Variants in MCTP2 observed in about 807,000 individuals in gnomAD.
MCTP2 encodes the protein multiple C2 and transmembrane domain-containing protein 2.
MCTP2 carries 132 observed loss-of-function variants against 111.6 expected under a neutral mutation model. The observed-to-expected ratio is 1.18, with a 90% CI of 1.03 to 1.37. The LOEUF (loss-of-function observed/expected upper bound fraction) is 1.37. Among genes scored for constraint, MCTP2 ranks in the 40% most tolerant of loss-of-function variants. The pLI is 0.00. For synonymous variants in MCTP2, 395 were observed against 387.7 expected (o/e 1.02, Z -0.22); for missense variants, 1,183 against 1,067.9 (o/e 1.11, Z -1.50).
intron 19 of MCTP2, among the ~76,000 whole-genome samples, chr15:94,456,812 A>G: frequency 6.6e-6 from 1 of 152,224 alleles, no homozygotes; most frequent in East Asian, 2.0e-4. Context: ...GCAATGAGGC[A>G]TTCTAGCCTC....
chr15:94,262,306 T>G (rs555072431), intron 1 of MCTP2, among the ~76,000 whole-genome samples: 1 of 152,308 alleles, frequency 6.6e-6, no homozygotes, highest in African/African-American at 2.4e-5. Flanking sequence ...AGATTGTAGT[T>G]TTAATTTCTG....
chr15:94,300,509 C>CAAAA (rs34484349), intron 2 of MCTP2, among the ~76,000 whole-genome samples: 7 of 126,364 alleles, frequency 5.5e-5, no homozygotes, highest in African/African-American at 2.1e-4. Flanking sequence ...GACTCTGTCT[C>CAAAA]AAAAAAAAAA....
At chr15:94,242,956 TAC>T (rs1567248417) in intron 1 of MCTP2, among the ~76,000 whole-genome samples, 1 of 128,940 alleles carries the variant, frequency 7.8e-6, no homozygotes, top group African/African-American at 3.0e-5. Flanking sequence ...GATACACATA[TAC>T]ACGTGTATAT....
chr15:94,466,663 C>G (rs1344099393), intron 20 of MCTP2, among the ~76,000 whole-genome samples: 1 of 152,092 alleles, frequency 6.6e-6, no homozygotes, highest in Non-Finnish European at 1.5e-5. Context: ...TCGTACCATG[C>G]AGACAACAGA....
chr15:94,358,861 C>T (rs1004020847), intron 10 of MCTP2, among the ~76,000 whole-genome samples: 1 of 152,190 alleles, frequency 6.6e-6, no homozygotes, highest in African/African-American at 2.4e-5. Context: ...TAAAGTTAAG[C>T]TGCCATCTCA....
intron 20 of MCTP2, among the ~76,000 whole-genome samples, chr15:94,460,627 T>C (rs1412069688): frequency 2.6e-5 from 4 of 152,298 alleles, no homozygotes; most frequent in African/African-American, 4.8e-5. Context: ...GTGCCGTTGA[T>C]AATGTAAAAG....
chr15:94,242,950 CACATATACACGTGTATATGTGTATCT>C lies in MCTP2; in HGVS notation c.-66+11290_-66+11315del, dbSNP rs1567248329. Reference sequence around the variant, plus strand: ...ACATATACACGTGTATATGTAGATACACATATACACGTGTATATGTGTATCTACACATACACGTGTATATGTGTATC... The same window carrying C: ...ACATATACACGTGTATATGTAGATACACACATACACGTGTATATGTGTATC... On this transcript the variant is annotated intron_variant, in intron 1 of 22. Coordinates refer to ENST00000357742, the MANE Select transcript of MCTP2 (RefSeq NM_001385001.1). Among the ~76,000 whole-genome samples the C allele has an allele frequency of 4.9e-5, 4 of 82,212 alleles. 1 individual carries two copies. The highest frequency in any genetic ancestry group is 8.5e-5 in the Non-Finnish European group (3 of 35,260). The allele number at this position is 82,212 out of a possible 152,430, so 53.9% of individuals were successfully genotyped here.
chr15:94,421,143 A>G (rs965103616), intron 17 of MCTP2, among the ~76,000 whole-genome samples: 2 of 148,470 alleles, frequency 1.3e-5, no homozygotes, highest in Non-Finnish European at 3.0e-5. Flanking sequence ...AAGTGTATTT[A>G]CTTCACCTTT....
chr15:94,439,907 C>G (rs1330469219), intron 17 of MCTP2, among the ~76,000 whole-genome samples: 1 of 152,146 alleles, frequency 6.6e-6, no homozygotes, highest in Non-Finnish European at 1.5e-5. Context: ...ATACTACTTT[C>G]CATAAATTCT....
At chr15:94,249,018 G>A (rs1195532902) in intron 1 of MCTP2, among the ~76,000 whole-genome samples, 2 of 152,170 alleles carry the variant, frequency 1.3e-5, no homozygotes, top group Non-Finnish European at 2.9e-5. Flanking sequence ...CTATTGAAGC[G>A]CTTGTGTTGT....
chr15:94,350,321 C>A (rs548721606), intron 8 of MCTP2, among the ~76,000 whole-genome samples: 1 of 152,298 alleles, frequency 6.6e-6, no homozygotes, highest in Non-Finnish European at 1.5e-5. Context: ...GGCACGGTGG[C>A]TCATGCCTGT....
chr15:94,430,393 TCACACACACACACACACACACACACA>T (rs35129445), intron 17 of MCTP2, among the ~76,000 whole-genome samples: 5 of 107,182 alleles, frequency 4.7e-5, no homozygotes, highest in African/African-American at 1.1e-4. Flanking sequence ...CCAAAAACAA[TCACACACACACACACACACACACACA>T]CACACACACA....
intron 20 of MCTP2, among the ~76,000 whole-genome samples, chr15:94,459,012 A>G (rs373974395): frequency 1.7e-5 from 2 of 118,256 alleles, no homozygotes; most frequent in African/African-American, 6.6e-5. Context: ...CAGTTAAGAA[A>G]GACTGTAGAT....
intron 17 of MCTP2, among the ~76,000 whole-genome samples, chr15:94,422,400 T>G (rs547307300): frequency 6.6e-6 from 1 of 152,292 alleles, no homozygotes; most frequent in South Asian, 2.1e-4. Flanking sequence ...TCTACACAGT[T>G]AGTCAAACTT....
intron 17 of MCTP2, among the ~76,000 whole-genome samples, chr15:94,407,259 T>C (rs1248310501): frequency 6.6e-6 from 1 of 152,226 alleles, no homozygotes; most frequent in African/African-American, 2.4e-5. Flanking sequence ...CAGAAGGTGA[T>C]TTTAAACAGC....
chr15:94,337,688 C>T (rs907176495), intron 4 of MCTP2, among the ~76,000 whole-genome samples: 10 of 151,052 alleles, frequency 6.6e-5, no homozygotes, highest in African/African-American at 1.5e-4. Context: ...TGTGTGTGCG[C>T]GCGCATGCAC....
chr15:94,411,295 T>C (rs2082140432), intron 17 of MCTP2, among the ~76,000 whole-genome samples: 1 of 152,134 alleles, frequency 6.6e-6, no homozygotes, highest in African/African-American at 2.4e-5. Context: ...TTTTTTTTTT[T>C]TTTTCTTTTT....
rs1239461376 is a variant in MCTP2 at position 94,400,000 on chromosome 15, G to A, written c.1965+5G>A. ...AGCCGCAAGCTGTCCAAAAAGGTGG[G>A]TCGCTACAGTAGGTGGCTTGTTGAT... On this transcript the variant is annotated splice_donor_5th_base_variant and intron_variant, in intron 16 of 22. Coordinates refer to ENST00000357742, the MANE Select transcript of MCTP2 (RefSeq NM_001385001.1). 35 of 1,613,734 alleles carry A rather than the reference G, an allele frequency of 2.2e-5. No individual in the cohort carries two copies. Among genetic ancestry groups the A allele is most frequent in the Non-Finnish European group, 2.8e-5 (33 of 1,179,774 alleles).
At chr15:94,400,713 T>G (rs2081539421) in intron 16 of MCTP2, among the ~76,000 whole-genome samples, 1 of 151,936 alleles carries the variant, frequency 6.6e-6, no homozygotes, top group Non-Finnish European at 1.5e-5. Context: ...TCTTCAATTG[T>G]ATAACAAAGA....
Sources: gnomAD v4.1 joint callset for allele counts (sites outside exome capture counted in the v4.1 genomes callset) on GRCh38, gnomAD v4.1.1 for gene constraint, MANE v1.5 for transcripts, NCBI Gene and HGNC (gene_info 2026-07-23, HGNC 2026-07-21) for gene names.